The following ZNF608 variants were observed in gnomAD, a reference collection of about 807,000 sequenced individuals.
ZNF608 encodes the protein renal carcinoma antigen NY-REN-36.
ZNF608 carries 12 observed loss-of-function variants against 109.0 expected under a neutral mutation model. The ratio of observed to expected loss-of-function variants is 0.11; its 90% CI spans 0.07 to 0.18. ZNF608 has a LOEUF of 0.18. ZNF608 is among the 10% of genes least tolerant of loss of function. The pLI is 1.00. For synonymous variants in ZNF608, 732 were observed against 717.4 expected (o/e 1.02, Z -0.33); for missense variants, 1,707 against 1,879.3 (o/e 0.91, Z 1.70).
At chr5:124,710,589 C>T (rs1298326669) in intron 2 of ZNF608, 1 of 161,710 alleles carries the variant, frequency 6.2e-6, no homozygotes, top group Admixed American at 6.0e-5. Context: ...ACTCACTTTC[C>T]TCCCTGCAAA....
At chr5:124,640,095 A>C (rs1421921091) in intron 8 of ZNF608, among the ~76,000 whole-genome samples, 1 of 152,228 alleles carries the variant, frequency 6.6e-6, no homozygotes, top group Non-Finnish European at 1.5e-5. Flanking sequence ...AGATGACATC[A>C]ACTAAAAAGA....
At chr5:124,687,788 G>A (rs992648537) in intron 3 of ZNF608, among the ~76,000 whole-genome samples, 1 of 152,130 alleles carries the variant, frequency 6.6e-6, no homozygotes, top group African/African-American at 2.4e-5. Flanking sequence ...CCCCAGAAGG[G>A]CATATAGGAA....
At chr5:124,640,694 A>T (rs35187968) in intron 8 of ZNF608, among the ~76,000 whole-genome samples, 5,177 of 152,224 alleles carry the variant, frequency 0.034, 232 homozygotes, top group East Asian at 0.25. Flanking sequence ...CAAGGTGAAG[A>T]TTCCCTCATA....
chr5:124,738,279 A>C (rs890111291), intron 2 of ZNF608, among the ~76,000 whole-genome samples: 2 of 152,208 alleles, frequency 1.3e-5, no homozygotes, highest in Non-Finnish European at 2.9e-5. Context: ...CTAGCGAAGA[A>C]GGGTTATTTT....
At chr5:124,644,049 A>T (rs1448879970) in intron 6 of ZNF608, among the ~76,000 whole-genome samples, 195 bp downstream of exon 6, 1 of 152,238 alleles carries the variant, frequency 6.6e-6, no homozygotes, top group Admixed American at 6.5e-5. Context: ...GACTATGGAA[A>T]CTATGGCTGA....
At position 124,679,688 on chromosome 5, in the gene ZNF608, G is replaced by A. The variant is rs188108840; in HGVS notation, c.1162+21326C>T. ...AAAAAGCACCTTTCTAGGCTGAGAA[G>A]AAAAACTTGAAAATACAGGTGACTG... On this transcript the variant is annotated intron_variant, in intron 3 of 9. Transcript: ENST00000513986. Among the ~76,000 whole-genome samples, 465 of 152,290 alleles carry A rather than the reference G, an allele frequency of 3.1e-3. 2 individuals are homozygous for A. Among genetic ancestry groups the A allele is most frequent in the Middle Eastern group, 6.8e-3 (2 of 294 alleles).
chr5:124,719,995 A>C (rs1753844432), intron 2 of ZNF608, among the ~76,000 whole-genome samples: 1 of 152,206 alleles, frequency 6.6e-6, no homozygotes, highest in Non-Finnish European at 1.5e-5. Flanking sequence ...ATGATCGTTG[A>C]AGTCTGTCAA....
chr5:124,708,405 C>T (rs1753347041), intron 2 of ZNF608, among the ~76,000 whole-genome samples: 1 of 152,186 alleles, frequency 6.6e-6, no homozygotes, highest in African/African-American at 2.4e-5. Flanking sequence ...TAACATCAAA[C>T]GCAAACCCTT....
chr5:124,721,941 CAAAAAAAAAAAA>C (rs199699487), intron 2 of ZNF608, among the ~76,000 whole-genome samples: 211 of 20,820 alleles, frequency 0.01, 1 homozygote, highest in African/African-American at 0.029. Context: ...GACTCTGTCT[CAAAAAAAAAAAA>C]AAAAAAAAAA....
At chr5:124,731,109 C>T (rs1178643370) in intron 2 of ZNF608, among the ~76,000 whole-genome samples, 1 of 152,218 alleles carries the variant, frequency 6.6e-6, no homozygotes, top group Non-Finnish European at 1.5e-5. Flanking sequence ...TGTAGGTGAG[C>T]ATCTGCAGGT....
chr5:124,652,370 G>T (rs6871146), intron 3 of ZNF608, among the ~76,000 whole-genome samples: 32,558 of 152,034 alleles, frequency 0.21, 3,915 homozygotes, highest in African/African-American at 0.33. Flanking sequence ...GAAGCACTCC[G>T]TATTTAAAAT....
intron 2 of ZNF608, among the ~76,000 whole-genome samples, chr5:124,743,477 T>C (rs1580728512): frequency 6.6e-6 from 1 of 152,122 alleles, no homozygotes; most frequent in Middle Eastern, 3.2e-3. Context: ...ACATCAAGCT[T>C]GGGGTTTCAT....
intron 2 of ZNF608, chr5:124,708,660 T>C (rs1371740005): frequency 2.2e-6 from 1 of 451,382 alleles, no homozygotes; most frequent in Non-Finnish European, 4.4e-6. Flanking sequence ...ATTCTAAAAC[T>C]ACCGTTATGC....
chr5:124,728,053 G>C (rs749689454), intron 2 of ZNF608, among the ~76,000 whole-genome samples: 7 of 152,068 alleles, frequency 4.6e-5, no homozygotes, highest in Non-Finnish European at 7.4e-5. Flanking sequence ...AGTATCTTAA[G>C]AAACATCTGT....
intron 3 of ZNF608, among the ~76,000 whole-genome samples, chr5:124,651,963 G>A (rs1750805516): frequency 6.6e-6 from 1 of 152,272 alleles, no homozygotes; most frequent in Non-Finnish European, 1.5e-5. Flanking sequence ...TGCAGTGAAA[G>A]CTTCGGTCTG....
chr5:124,673,566 CTTT>C, intron 3 of ZNF608, among the ~76,000 whole-genome samples: 1 of 151,466 alleles, frequency 6.6e-6, no homozygotes, highest in African/African-American at 2.4e-5. Context: ...AGCTTTTCAT[CTTT>C]TTTTTTGTTG....
At chr5:124,694,011 T>A (rs571711284) in intron 3 of ZNF608, among the ~76,000 whole-genome samples, 1 of 97,030 alleles carries the variant, frequency 1.0e-5, no homozygotes, top group African/African-American at 4.1e-5. Flanking sequence ...AGTCTCGCTC[T>A]GTTGCCCAGG....
intron 2 of ZNF608, among the ~76,000 whole-genome samples, chr5:124,718,186 G>A (rs1404318434): frequency 6.6e-6 from 1 of 152,128 alleles, no homozygotes; most frequent in Non-Finnish European, 1.5e-5. Flanking sequence ...GCAAAACTGG[G>A]ACCTGCCATC....
chr5:124,649,236 T>G, intron 4 of ZNF608, 103 bp from the exon 5 acceptor site: 1 of 946,110 alleles, frequency 1.1e-6, no homozygotes, highest in Non-Finnish European at 1.5e-6. Context: ...CTCCAGTAGC[T>G]TCAGGGCTGG....
Sources: gnomAD v4.1 joint callset for allele counts (sites outside exome capture counted in the v4.1 genomes callset) on GRCh38, gnomAD v4.1.1 for gene constraint, MANE v1.5 for transcripts, NCBI Gene and HGNC (gene_info 2026-07-23, HGNC 2026-07-21) for gene names.